The following DGKH variants were observed in gnomAD, a reference collection of about 807,000 sequenced individuals.
DGKH encodes diacylglycerol kinase eta.
In DGKH, 90 loss-of-function variants were observed where a neutral mutation model predicts 159.3. That is an observed-to-expected ratio of 0.57 (90% CI 0.48 to 0.67). The LOEUF (loss-of-function observed/expected upper bound fraction) is 0.67, where lower values mean the gene tolerates loss of function less well. Ranked by LOEUF, DGKH falls within the 30% of genes least tolerant of loss-of-function variation. The pLI, the probability that DGKH is intolerant of heterozygous loss-of-function variation, is 0.00. For synonymous variants in DGKH, 536 were observed against 553.8 expected (o/e 0.97, Z 0.45); for missense variants, 1,181 against 1,506.1 (o/e 0.78, Z 3.57).
intron 1 of DGKH, among the ~76,000 whole-genome samples, chr13:42,065,486 A>G (rs929517482): frequency 2.0e-5 from 3 of 152,206 alleles, no homozygotes; most frequent in African/African-American, 7.2e-5. Context: ...AGCCTGTTGG[A>G]TCAACTCCTT....
intron 13 of DGKH, among the ~76,000 whole-genome samples, chr13:42,178,570 A>G (rs1184765130): frequency 6.6e-6 from 1 of 152,230 alleles, no homozygotes; most frequent in African/African-American, 2.4e-5. Context: ...TTCCATAAAC[A>G]CTACTATTTA....
intron 1 of DGKH, among the ~76,000 whole-genome samples, chr13:42,076,063 G>A (rs1566088348): frequency 6.6e-6 from 1 of 151,840 alleles, no homozygotes; most frequent in Non-Finnish European, 1.5e-5. Flanking sequence ...GCCTTTTTCT[G>A]GAAATTCCAG....
Position 42,190,537 on chromosome 13 carries a change from G to T in DGKH, c.2035+12G>T. The T allele has an allele frequency of 1.3e-6, 2 of 1,560,966 alleles. No individual in the cohort carries two copies. The highest frequency in any genetic ancestry group is 1.4e-5 in the African/African-American group (1 of 71,560). The stretch of plus-strand genomic sequence containing the variant: ...AGAATCAATAACTGGTGAGGAAACT[G>T]GGAAAAAATTATTTTGGAATTAAAT... On this transcript the variant is annotated intron_variant, in intron 16 of 29. Coordinates refer to ENST00000337343, the MANE Select transcript of DGKH (RefSeq NM_178009.5).
rs569143329 is a variant in DGKH, at chr13:42,178,338, T to C, written c.1538+118T>C. 6.5e-5 allele frequency: 45 copies of C among 695,782 alleles called. 1 individual carries two copies. In the African/African-American group the frequency reaches 7.6e-4, roughly 12 times the overall value. 43.1% of individuals were successfully genotyped at this position (695,782 alleles called of 1,614,324 possible). A position where few individuals can be genotyped will look rare whatever the true frequency, so the allele number is the denominator to read the frequency against. On this transcript the variant is annotated intron_variant, in intron 13 of 29. Transcript: ENST00000337343. ...CAAAAAATATCTTGGAAGTAGCTTATAAAATTAGATGTACTAAATTTGAAT... is the reference window on the plus strand; with the variant it reads ...CAAAAAATATCTTGGAAGTAGCTTACAAAATTAGATGTACTAAATTTGAAT...
chr13:42,207,025 TTTTC>T (rs752186328), intron 21 of DGKH, among the ~76,000 whole-genome samples: 5 of 44,966 alleles, frequency 1.1e-4, no homozygotes, highest in East Asian at 1.2e-3. Context: ...CTTTCTTTCT[TTTTC>T]TTTCTTTCTT....
intron 7 of DGKH, among the ~76,000 whole-genome samples, chr13:42,162,879 T>C (rs1268321809): frequency 6.6e-6 from 1 of 151,866 alleles, no homozygotes; most frequent in African/African-American, 2.4e-5. Flanking sequence ...ATTATTATTA[T>C]ACTTTTAGTT....
chr13:42,063,831 C>T (rs1479574133), intron 1 of DGKH, among the ~76,000 whole-genome samples: 3 of 151,756 alleles, frequency 2.0e-5, no homozygotes, highest in Non-Finnish European at 4.4e-5. Flanking sequence ...CCCAGCTAGT[C>T]GGGAGGCTGA....
At chr13:42,142,257 G>C (rs972701608) in intron 3 of DGKH, among the ~76,000 whole-genome samples, 7 of 152,114 alleles carry the variant, frequency 4.6e-5, no homozygotes, top group East Asian at 1.9e-4. Flanking sequence ...TGGTCTATAT[G>C]TCTGTTTTGG....
downstream of DGKH, among the ~76,000 whole-genome samples, chr13:42,245,284 G>A (rs1157416144): frequency 6.6e-6 from 1 of 152,212 alleles, no homozygotes; most frequent in Non-Finnish European, 1.5e-5. Context: ...TGACCCTTGA[G>A]AATGTGAACT....
chr13:42,053,324 A>T lies in DGKH; in HGVS notation c.192+4359A>T, dbSNP rs562069831. Among the ~76,000 whole-genome samples the T allele has an allele frequency of 3.4e-5, 5 of 147,602 alleles. No individual in the cohort carries two copies. The East Asian group carries it at 9.8e-4, about 29-fold the overall frequency. On this transcript the variant is annotated intron_variant, in intron 1 of 29. Transcript: ENST00000337343. ...TGTAACCCAGAATTTAAAGTAAAAT[A>T]AAAAAAAAATCTTACTACTACTACT...
intron 1 of DGKH, among the ~76,000 whole-genome samples, chr13:42,064,508 A>G (rs1882416832): frequency 6.6e-6 from 1 of 152,164 alleles, no homozygotes; most frequent in Non-Finnish European, 1.5e-5. Flanking sequence ...GGGTGGATAC[A>G]GTAACAAGCT....
intron 29 of DGKH, among the ~76,000 whole-genome samples, chr13:42,227,310 A>G (rs1395084839): frequency 3.3e-5 from 5 of 152,218 alleles, no homozygotes; most frequent in Admixed American, 1.3e-4. Context: ...ATGTAATTCT[A>G]TGGAAAACAT....
intron 29 of DGKH, among the ~76,000 whole-genome samples, chr13:42,251,823 C>G (rs1222742110): frequency 6.6e-6 from 1 of 152,146 alleles, no homozygotes; most frequent in Non-Finnish European, 1.5e-5. Context: ...CAGCGTGTTC[C>G]CATTACATAC....
intron 7 of DGKH, among the ~76,000 whole-genome samples, chr13:42,160,635 G>C (rs1258115957): frequency 6.6e-6 from 1 of 152,190 alleles, no homozygotes; most frequent in East Asian, 1.9e-4. Context: ...AGTCAGAGTA[G>C]GAAGGAGATC....
At chr13:42,225,234 T>G in intron 29 of DGKH, 1 of 1,551,012 alleles carries the variant, frequency 6.4e-7, no homozygotes, top group East Asian at 2.3e-5. Context: ...GGAAAGTATT[T>G]CCAATGTGCT....
At chr13:42,225,414 G>A (rs1275693757) in intron 29 of DGKH, 3 of 1,223,666 alleles carry the variant, frequency 2.5e-6, no homozygotes, top group Admixed American at 2.6e-5. Flanking sequence ...AAGGATAACT[G>A]AATATCTACA....
intron 1 of DGKH, among the ~76,000 whole-genome samples, chr13:42,106,145 T>C (rs1954750489): frequency 6.6e-6 from 1 of 152,112 alleles, no homozygotes; most frequent in Admixed American, 6.6e-5. Flanking sequence ...GTAGCTGGAA[T>C]TACAGGCGTG....
At chr13:42,068,937 T>A (rs1882774695) in intron 1 of DGKH, 5 of 1,404,964 alleles carry the variant, frequency 3.6e-6, no homozygotes, top group African/African-American at 2.9e-5. Context: ...GTGTTTTAGT[T>A]CAGATGTTCA....
At chr13:42,087,084 CCTCAGA>C (rs1376496875) in intron 1 of DGKH, among the ~76,000 whole-genome samples, 3,469 of 145,062 alleles carry the variant, frequency 0.024, 114 homozygotes, top group African/African-American at 0.081. Context: ...CACACACACA[CCTCAGA>C]ACAGAGTAGG....
Sources: allele counts gnomAD v4.1 joint callset (sites outside exome capture counted in the v4.1 genomes callset), GRCh38; gene constraint gnomAD v4.1.1; transcripts MANE v1.5; gene names NCBI Gene and HGNC (gene_info 2026-07-23, HGNC 2026-07-21).